The following PDE6A variants were observed in gnomAD, a reference collection of about 807,000 sequenced individuals.
PDE6A encodes rod cGMP-specific 3',5'-cyclic phosphodiesterase subunit alpha.
PDE6A carries 84 observed loss-of-function variants against 106.3 expected under a neutral mutation model. That is an observed-to-expected ratio of 0.79 (90% CI 0.66 to 0.95). The LOEUF (loss-of-function observed/expected upper bound fraction) is 0.95, where lower values mean the gene tolerates loss of function less well. Ranked by LOEUF, PDE6A falls within the 40% of genes least tolerant of loss-of-function variation. The pLI is 0.00. For synonymous variants in PDE6A, 394 were observed against 386.6 expected (o/e 1.02, Z -0.23); for missense variants, 1,052 against 1,084.9 (o/e 0.97, Z 0.43).
intron 6 of PDE6A, among the ~76,000 whole-genome samples, chr5:149,913,040 T>G (rs533644187): frequency 6.6e-6 from 1 of 152,132 alleles, no homozygotes; most frequent in East Asian, 1.9e-4. Context: ...TTGAAGAGTA[T>G]GCTTTTGATA....
intron 17 of PDE6A, among the ~76,000 whole-genome samples, chr5:149,874,248 C>T (rs1241672806): frequency 6.6e-6 from 1 of 152,178 alleles, no homozygotes; most frequent in Non-Finnish European, 1.5e-5. Flanking sequence ...TCCCACAAGA[C>T]TGCCTCACTT....
At chr5:149,865,846 T>C (rs1000110637) in intron 20 of PDE6A, among the ~76,000 whole-genome samples, 14 of 152,224 alleles carry the variant, frequency 9.2e-5, no homozygotes, top group African/African-American at 2.9e-4. Flanking sequence ...ACAATTACTT[T>C]TGGCCTATGA....
chr5:149,917,266 TCA>T (rs1362265872), intron 5 of PDE6A, among the ~76,000 whole-genome samples: 2 of 151,916 alleles, frequency 1.3e-5, no homozygotes, highest in Admixed American at 6.6e-5. Context: ...AGTGTGTTTT[TCA>T]CACACACAAA....
intron 17 of PDE6A, among the ~76,000 whole-genome samples, chr5:149,878,016 G>A (rs993954802): frequency 6.6e-6 from 1 of 152,210 alleles, no homozygotes; most frequent in Non-Finnish European, 1.5e-5. Flanking sequence ...TGGCTGCCCA[G>A]AGGTTTTTGT....
intron 6 of PDE6A, among the ~76,000 whole-genome samples, chr5:149,909,681 T>A (rs1432818112): frequency 2.6e-5 from 4 of 152,248 alleles, no homozygotes; most frequent in African/African-American, 4.8e-5. Flanking sequence ...CATTTAAACA[T>A]GTGCATTTGA....
chr5:149,942,760 C>T (rs1754358780), intron 1 of PDE6A, among the ~76,000 whole-genome samples: 1 of 151,868 alleles, frequency 6.6e-6, no homozygotes, highest in African/African-American at 2.4e-5. Context: ...GTCTCTGTGT[C>T]ATAAGTTTAA....
At chr5:149,886,618 T>C (rs1476499716) in intron 13 of PDE6A, among the ~76,000 whole-genome samples, 2 of 152,162 alleles carry the variant, frequency 1.3e-5, no homozygotes, top group African/African-American at 4.8e-5. Flanking sequence ...ACCCTATTTC[T>C]GAGTTGACCT....
chr5:149,933,880 C>T, intron 3 of PDE6A, 50 bp downstream of exon 3: 1 of 1,358,910 alleles, frequency 7.4e-7, no homozygotes, highest in South Asian at 1.2e-5. Flanking sequence ...CACATCAATG[C>T]TTCAGGGAAA....
At chr5:149,928,488 G>A (rs1240307420) in intron 4 of PDE6A, among the ~76,000 whole-genome samples, 6 of 151,446 alleles carry the variant, frequency 4.0e-5, no homozygotes, top group East Asian at 3.9e-4. Context: ...CGCCTGCCTC[G>A]GCCTCCCAAA....
intron 5 of PDE6A, among the ~76,000 whole-genome samples, chr5:149,921,257 A>AT (rs1416528410): frequency 6.6e-6 from 1 of 152,200 alleles, no homozygotes; most frequent in African/African-American, 2.4e-5. Flanking sequence ...CCAATAAGAT[A>AT]TTAAACACTT....
At chr5:149,893,257 T>C (rs866078246) in intron 13 of PDE6A, among the ~76,000 whole-genome samples, 1 of 152,136 alleles carries the variant, frequency 6.6e-6, no homozygotes, top group Admixed American at 6.5e-5. Context: ...CGCAAAACTT[T>C]AGGGCCTTGA....
At chr5:149,872,245 G>A (rs1340053128) in intron 17 of PDE6A, among the ~76,000 whole-genome samples, 1 of 152,142 alleles carries the variant, frequency 6.6e-6, no homozygotes, top group Non-Finnish European at 1.5e-5. Flanking sequence ...TGTAAAATGA[G>A]ATATTCATGT....
At chr5:149,935,779 G>A (rs1054107833) in intron 1 of PDE6A, among the ~76,000 whole-genome samples, 6 of 152,286 alleles carry the variant, frequency 3.9e-5, no homozygotes, top group Admixed American at 3.3e-4. Flanking sequence ...CTTGGGAGGC[G>A]GGCCAGCCCA....
rs746995751 is a variant in PDE6A at position 149,888,505 on chromosome 5, ATAAT to A, written c.1729-2135_1729-2132del. ...GTTATTTATAATATATTAATAACTA[ATAAT>A]TAATATATTATTAATAAAATAATAA... On this transcript the variant is annotated intron_variant, in intron 13 of 21. Transcript: ENST00000255266. Among the ~76,000 whole-genome samples the A allele has an allele frequency of 2.5e-3, 375 of 148,182 alleles. 2 individuals are homozygous for A. Among genetic ancestry groups the A allele is most frequent in the Non-Finnish European group, 4.4e-3 (294 of 67,172 alleles).
rs774143258 is a variant in PDE6A at position 149,944,296 on chromosome 5, C to T, written c.378G>A (p.Val126=). 58 of 1,613,956 alleles carry T rather than the reference C, an allele frequency of 3.6e-5. No homozygotes were observed. Among genetic ancestry groups the T allele is most frequent in the Non-Finnish European group, 4.7e-5 (56 of 1,180,024 alleles). ...GGAAGACGATCTCTTGGTCGGGCAT[C>T]ACCAGGCAGTCCTCGAGGACAGCAT... ...HKDAVLEDCL[V]MPDQEIVFPL... The change falls in exon 1 of 22, where the codon GTG becomes GTA. Residue 126 remains valine, a synonymous_variant. Transcript: ENST00000255266.
chr5:149,943,136 A>G (rs1258264474), intron 1 of PDE6A, among the ~76,000 whole-genome samples: 2 of 152,152 alleles, frequency 1.3e-5, no homozygotes, highest in Non-Finnish European at 2.9e-5. Context: ...GACCATACCC[A>G]GGGTTTCTTG....
chr5:149,912,033 T>C (rs1480212540), intron 6 of PDE6A, among the ~76,000 whole-genome samples: 1 of 152,032 alleles, frequency 6.6e-6, no homozygotes, highest in African/African-American at 2.4e-5. Flanking sequence ...AAATAATTGA[T>C]ATATTTGAAT....
intron 1 of PDE6A, among the ~76,000 whole-genome samples, chr5:149,939,742 A>T (rs1016293210): frequency 1.3e-5 from 2 of 152,356 alleles, no homozygotes; most frequent in East Asian, 3.9e-4. Flanking sequence ...TTTGAAAGTG[A>T]CAGAGTCCTG....
chr5:149,912,052 C>T (rs548710819), intron 6 of PDE6A, among the ~76,000 whole-genome samples: 125 of 152,002 alleles, frequency 8.2e-4, no homozygotes, highest in Admixed American at 1.6e-3. Flanking sequence ...ATTCGAATTT[C>T]ACCTTGATAT....
Sources: gnomAD v4.1 joint callset for allele counts (sites outside exome capture counted in the v4.1 genomes callset) on GRCh38, gnomAD v4.1.1 for gene constraint, MANE v1.5 for transcripts, NCBI Gene and HGNC (gene_info 2026-07-23, HGNC 2026-07-21) for gene names.